HDX: variants seen among roughly 807,000 people sequenced by gnomAD.
The protein encoded by HDX is highly divergent homeobox, also known as chromosome X open reading frame 43.
Under a neutral mutation model 45.2 loss-of-function variants are expected in HDX, and 19 were observed. The observed-to-expected ratio is 0.42, with a 90% CI of 0.29 to 0.62. The LOEUF (loss-of-function observed/expected upper bound fraction) is 0.62, where lower values mean the gene tolerates loss of function less well. Among genes scored for constraint, HDX ranks in the 20% least tolerant of loss-of-function variants. HDX has a pLI of 0.20. For missense variants in HDX, 532 were observed against 493.9 expected (o/e 1.08, Z -0.73); for synonymous variants, 188 against 172.8 (o/e 1.09, Z -0.69).
chrX:84,448,075 G>T (rs867759468), intron 4 of HDX, among the ~76,000 whole-genome samples: 1 of 111,792 alleles, frequency 8.9e-6, no homozygotes, highest in Admixed American at 9.5e-5. Context: ...TCCTGGCTCA[G>T]CTTCATCCAT....
chrX:84,371,029 A>T (rs1426568213), intron 5 of HDX, among the ~76,000 whole-genome samples: 1 of 112,479 alleles, frequency 8.9e-6, no homozygotes, highest in East Asian at 2.8e-4. Flanking sequence ...ACATATATGT[A>T]CAACACTTCT....
intron 5 of HDX, among the ~76,000 whole-genome samples, chrX:84,407,612 T>G (rs2038862817): frequency 9.0e-6 from 1 of 111,658 alleles, no homozygotes; most frequent in Non-Finnish European, 1.9e-5. Context: ...TAGTTCTCTT[T>G]TAAGTTCTTT....
At chrX:84,398,283 A>C (rs1373874992) in intron 5 of HDX, among the ~76,000 whole-genome samples, 1 of 111,348 alleles carries the variant, frequency 9.0e-6, no homozygotes, top group Non-Finnish European at 1.9e-5. Context: ...GGAGTGGCAA[A>C]TTGGATAAAG....
intron 1 of HDX, among the ~76,000 whole-genome samples, chrX:84,493,562 C>G (rs2040937804): frequency 8.9e-6 from 1 of 111,820 alleles, no homozygotes; most frequent in African/African-American, 3.2e-5. Flanking sequence ...ACATATATGT[C>G]TATAGCTACA....
chrX:84,324,553 C>G (rs747492178), intron 10 of HDX, among the ~76,000 whole-genome samples: 5 of 111,438 alleles, frequency 4.5e-5, no homozygotes, highest in African/African-American at 1.3e-4. Flanking sequence ...GAATCATGTT[C>G]TCTTTCAACC....
intron 6 of HDX, among the ~76,000 whole-genome samples, chrX:84,353,554 C>T (rs7881579): frequency 0.047 from 5,181 of 111,285 alleles, 272 homozygotes; most frequent in African/African-American, 0.16. Flanking sequence ...GAATAAATTT[C>T]TGTTGTTTAT....
intron 5 of HDX, among the ~76,000 whole-genome samples, chrX:84,379,466 T>C (rs1016139399): frequency 2.7e-5 from 3 of 111,100 alleles, no homozygotes; most frequent in Middle Eastern, 4.7e-3. Context: ...TTTTCAAGGA[T>C]AGACCATATG....
intron 5 of HDX, among the ~76,000 whole-genome samples, chrX:84,380,556 G>A (rs1419450715): frequency 1.8e-5 from 2 of 111,272 alleles, no homozygotes; most frequent in Admixed American, 9.5e-5. Context: ...TCTGGTATGC[G>A]AGCATGGTTC....
chrX:84,318,910 T>G lies in HDX; in HGVS notation c.*2979A>C, dbSNP rs1308365741. Reference sequence around the variant, plus strand: ...GGCCAATTTTCTTTTAAGGTTTTCTTTGCATGTGCTAATTTTCCTATTCTC... The same window carrying G: ...GGCCAATTTTCTTTTAAGGTTTTCTGTGCATGTGCTAATTTTCCTATTCTC... On this transcript the variant is annotated 3_prime_UTR_variant, in exon 11 of 11. Transcript: ENST00000373177. 9.0e-6 allele frequency: 1 copy of G among 111,375 alleles called. No individual in the cohort carries two copies. The highest frequency in any genetic ancestry group is 3.2e-5 in the African/African-American group (1 of 30,844). The allele number at this position is 111,375 out of a possible 1,213,427, so 9.2% of individuals were successfully genotyped here. A position where few individuals can be genotyped will look rare whatever the true frequency, so the allele number is the denominator to read the frequency against.
intron 10 of HDX, among the ~76,000 whole-genome samples, chrX:84,324,471 T>C (rs1334152502): frequency 1.8e-5 from 2 of 111,527 alleles, no homozygotes; most frequent in African/African-American, 6.5e-5. Context: ...ATTATACTCA[T>C]TCTTAATTAT....
intron 3 of HDX, among the ~76,000 whole-genome samples, chrX:84,473,340 A>G (rs1241014438): frequency 2.8e-5 from 2 of 72,422 alleles, no homozygotes; most frequent in Non-Finnish European, 4.7e-5. Flanking sequence ...AACTCTAGCA[A>G]AGTATCTGGG....
intron 1 of HDX, among the ~76,000 whole-genome samples, chrX:84,496,111 G>A (rs1364611220): frequency 8.9e-6 from 1 of 111,837 alleles, no homozygotes. Flanking sequence ...GATATACTCA[G>A]AGGCTTAGCG....
At position 84,494,613 on chromosome X, in the gene HDX, T is replaced by C. The variant is rs375787675; in HGVS notation, c.-109-6481A>G. ...ATCAAGTGGTAAGTAGGTAACATTATATAAACATACACATATATAGTGTAG... is the reference window on the plus strand; with the variant it reads ...ATCAAGTGGTAAGTAGGTAACATTACATAAACATACACATATATAGTGTAG... On this transcript the variant is annotated intron_variant, in intron 1 of 10. Coordinates refer to ENST00000373177, the MANE Select transcript of HDX (RefSeq NM_001177479.2). Among the ~76,000 whole-genome samples, 16 of 112,013 alleles carry C rather than the reference T, an allele frequency of 1.4e-4. No homozygotes were observed. In the East Asian group the frequency reaches 2.8e-3, roughly 20 times the overall value.
chrX:84,444,895 T>C (rs1038944719), intron 4 of HDX, among the ~76,000 whole-genome samples: 1 of 111,714 alleles, frequency 9.0e-6, no homozygotes, highest in Non-Finnish European at 1.9e-5. Flanking sequence ...TGCAAATAGT[T>C]AAGTTTTATA....
chrX:84,460,038 A>G (rs1239957083), intron 4 of HDX, among the ~76,000 whole-genome samples: 1 of 111,664 alleles, frequency 9.0e-6, no homozygotes, highest in Non-Finnish European at 1.9e-5. Flanking sequence ...AGATTGCAGC[A>G]ATAACAAAAA....
chrX:84,492,339 T>C (rs1328189374), intron 1 of HDX, among the ~76,000 whole-genome samples: 2 of 110,892 alleles, frequency 1.8e-5, no homozygotes, highest in African/African-American at 6.6e-5. Context: ...GGAAATCCTG[T>C]TACTGTTACT....
At chrX:84,364,581 A>T (rs2147857075) in intron 5 of HDX, among the ~76,000 whole-genome samples, 1 of 94,146 alleles carries the variant, frequency 1.1e-5, no homozygotes, top group African/African-American at 4.1e-5. Flanking sequence ...GGCTCACTGC[A>T]ACCTCTGCCT....
chrX:84,328,737 G>T (rs1041823644), intron 9 of HDX, among the ~76,000 whole-genome samples: 2 of 111,631 alleles, frequency 1.8e-5, no homozygotes, highest in Admixed American at 9.5e-5. Flanking sequence ...AGAATGTGGA[G>T]CAATTAGAAG....
chrX:84,421,603 A>G (rs754013843), intron 5 of HDX, among the ~76,000 whole-genome samples: 3 of 108,603 alleles, frequency 2.8e-5, no homozygotes, highest in African/African-American at 6.7e-5. Context: ...ACTAAACCCT[A>G]CAATCAAAAG....
Sources: allele counts gnomAD v4.1 joint callset (sites outside exome capture counted in the v4.1 genomes callset), GRCh38; gene constraint gnomAD v4.1.1; transcripts MANE v1.5; gene names NCBI Gene and HGNC (gene_info 2026-07-23, HGNC 2026-07-21).